PRKG1: variants seen among roughly 807,000 people sequenced by gnomAD.
The protein encoded by PRKG1 is cGMP-dependent protein kinase 1.
In PRKG1, 35 loss-of-function variants were observed where a neutral mutation model predicts 88.1. The ratio of observed to expected loss-of-function variants is 0.40; its 90% CI spans 0.30 to 0.53. The LOEUF is 0.53. PRKG1 is among the 20% of genes least tolerant of loss of function. The pLI is 0.59. For missense variants in PRKG1, 540 were observed against 839.8 expected (o/e 0.64, Z 4.41); for synonymous variants, 303 against 292.5 (o/e 1.04, Z -0.37).
chr10:51,291,184 C>T (rs1294954958), intron 2 of PRKG1, among the ~76,000 whole-genome samples: 1 of 152,088 alleles, frequency 6.6e-6, no homozygotes, highest in African/African-American at 2.4e-5. Flanking sequence ...GACCTTTTTG[C>T]AAGAGGGTTT....
chr10:51,766,701 C>T (rs1427046432), intron 3 of PRKG1, among the ~76,000 whole-genome samples: 3 of 152,254 alleles, frequency 2.0e-5, no homozygotes, highest in Admixed American at 6.5e-5. Flanking sequence ...GAGGGCTTCA[C>T]CTTCACAACC....
At chr10:51,835,542 T>C (rs1840110726) in intron 4 of PRKG1, among the ~76,000 whole-genome samples, 1 of 152,240 alleles carries the variant, frequency 6.6e-6, no homozygotes, top group African/African-American at 2.4e-5. Flanking sequence ...TTGAATAAAG[T>C]AATCCAGAAT....
intron 3 of PRKG1, among the ~76,000 whole-genome samples, chr10:51,563,803 C>A (rs1837531593): frequency 1.3e-5 from 2 of 152,088 alleles, no homozygotes; most frequent in African/African-American, 4.8e-5. Flanking sequence ...TTGACCTCTG[C>A]AAAGGCAATG....
At chr10:51,544,846 A>G (rs953681725) in intron 3 of PRKG1, among the ~76,000 whole-genome samples, 1 of 152,184 alleles carries the variant, frequency 6.6e-6, no homozygotes, top group African/African-American at 2.4e-5. Flanking sequence ...GAAAAAAATC[A>G]AACAGCCCCA....
At chr10:51,838,282 T>C (rs1475244926) in intron 4 of PRKG1, among the ~76,000 whole-genome samples, 4 of 152,196 alleles carry the variant, frequency 2.6e-5, no homozygotes, top group African/African-American at 4.8e-5. Context: ...CCAAGAGTTA[T>C]TTGTGGTTGT....
Position 50,991,107 on chromosome 10 carries a change from A to G in PRKG1, c.-272A>G. ...TGAAAGATAATCACCTACTCCCCAG[A>G]GAGGCTGGAGATTAGCACTCTGCCT... On this transcript the variant is annotated 5_prime_UTR_variant, in exon 1 of 18. Coordinates refer to the PRKG1 transcript ENST00000401604. The surrounding 1 kb of genome is among the most constrained non-coding windows in gnomAD (Gnocchi z 4.5). The G allele has an allele frequency of 2.5e-6, 1 of 396,958 alleles. No individual in the cohort carries two copies. Among genetic ancestry groups the G allele is most frequent in the African/African-American group, 2.1e-5 (1 of 46,532 alleles). 24.6% of individuals were successfully genotyped at this position (396,958 alleles called of 1,614,324 possible). A position where few individuals can be genotyped will look rare whatever the true frequency, so the allele number is the denominator to read the frequency against.
chr10:52,120,609 C>G (rs980638731), intron 7 of PRKG1, among the ~76,000 whole-genome samples: 2 of 152,098 alleles, frequency 1.3e-5, no homozygotes, highest in African/African-American at 4.8e-5. Context: ...CCAAGTAAGC[C>G]CAAAACCCAG....
chr10:51,776,736 G>T (rs575321209), intron 3 of PRKG1, among the ~76,000 whole-genome samples: 1 of 152,262 alleles, frequency 6.6e-6, no homozygotes, highest in East Asian at 1.9e-4. Flanking sequence ...TGAGGCACGA[G>T]AATTGCTTGA....
chr10:51,438,274 T>G (rs1027153398), intron 2 of PRKG1, among the ~76,000 whole-genome samples: 2 of 151,980 alleles, frequency 1.3e-5, no homozygotes, highest in African/African-American at 4.8e-5. Context: ...TACCTTACAT[T>G]ATGGTAATTT....
At chr10:51,455,011 G>A (rs1839544492) in intron 2 of PRKG1, among the ~76,000 whole-genome samples, 1 of 152,214 alleles carries the variant, frequency 6.6e-6, no homozygotes, top group South Asian at 2.1e-4. Flanking sequence ...CTGAGACAAA[G>A]CAAATCCCTT....
At chr10:51,245,157 T>C (rs1589274965) in intron 2 of PRKG1, 1 of 152,110 alleles carries the variant, frequency 6.6e-6, no homozygotes, top group South Asian at 2.1e-4. Flanking sequence ...AACTTAAGGA[T>C]ATAAGACAGC....
At chr10:51,735,030 G>C (rs899635261) in intron 3 of PRKG1, among the ~76,000 whole-genome samples, 2 of 152,180 alleles carry the variant, frequency 1.3e-5, no homozygotes, top group Non-Finnish European at 2.9e-5. Flanking sequence ...TGAAGAAGCA[G>C]AGTGAGATAG....
intron 1 of PRKG1, among the ~76,000 whole-genome samples, chr10:51,114,745 A>G (rs1209687256): frequency 3.3e-5 from 5 of 152,160 alleles, no homozygotes; most frequent in Admixed American, 6.6e-5. Context: ...TTTCAGCTGG[A>G]CAGTTACTGA....
intron 2 of PRKG1, among the ~76,000 whole-genome samples, chr10:51,221,847 T>C (rs967128441): frequency 6.6e-6 from 1 of 151,186 alleles, no homozygotes; most frequent in African/African-American, 2.4e-5. Context: ...TTCCCCTTTA[T>C]ATTTTTGTTT....
chr10:52,166,801 A>ATATATATATATATATG (rs1564498416), intron 9 of PRKG1, among the ~76,000 whole-genome samples: 1 of 1,714 alleles, frequency 5.8e-4, no homozygotes, highest in Admixed American at 9.1e-3. Flanking sequence ...ATATATACAT[A>ATATATATATATATATG]TATATATGTA....
chr10:51,698,269 G>T, intron 3 of PRKG1: 3 of 1,613,954 alleles, frequency 1.9e-6, no homozygotes, highest in Non-Finnish European at 2.5e-6. Context: ...GTGTCTCTAA[G>T]ACCTCAGTTT....
intron 3 of PRKG1, among the ~76,000 whole-genome samples, chr10:51,470,373 A>T (rs145134096): frequency 9.7e-4 from 148 of 151,866 alleles, no homozygotes; most frequent in African/African-American, 3.4e-3. Context: ...TTCTGAGGGG[A>T]ATATTTTTCT....
At chr10:51,419,531 G>A (rs539088691) in intron 2 of PRKG1, among the ~76,000 whole-genome samples, 5 of 152,126 alleles carry the variant, frequency 3.3e-5, no homozygotes, top group Admixed American at 6.6e-5. Flanking sequence ...TGGAGATGAG[G>A]TTTCCCTAAA....
At chr10:51,148,276 A>G (rs1190302896) in intron 1 of PRKG1, 1 of 984,928 alleles carries the variant, frequency 1.0e-6, no homozygotes, top group Non-Finnish European at 1.2e-6. Context: ...GACTGTGAAA[A>G]TCATTTATTG....
Sources: gnomAD v4.1 joint callset for allele counts (sites outside exome capture counted in the v4.1 genomes callset) on GRCh38, gnomAD v4.1.1 for gene constraint, Gnocchi (gnomAD v3.1) non-coding constraint, MANE v1.5 for transcripts, NCBI Gene and HGNC (gene_info 2026-07-23, HGNC 2026-07-21) for gene names.